The following RAPGEF4 variants were observed in gnomAD, a reference collection of about 807,000 sequenced individuals.
RAPGEF4 encodes the protein Rap guanine nucleotide exchange factor 4.
RAPGEF4 carries 66 observed loss-of-function variants against 147.9 expected under a neutral mutation model. The ratio of observed to expected loss-of-function variants is 0.45; its 90% confidence interval spans 0.37 to 0.55. The LOEUF is 0.55. Among genes scored for constraint, RAPGEF4 ranks in the 20% least tolerant of loss-of-function variants. RAPGEF4 has a pLI of 0.00. For synonymous variants in RAPGEF4, 419 were observed against 442.7 expected, an observed-to-expected ratio of 0.95 and a Z score of 0.67; for missense variants, 1,071 against 1,257.3, an observed-to-expected ratio of 0.85 and a Z score of 2.24.
chr2:172,748,268 A>C (rs1694952294), intron 1 of RAPGEF4, among the ~76,000 whole-genome samples: 1 of 152,308 alleles, frequency 6.6e-6, no homozygotes, highest in South Asian at 2.1e-4. Flanking sequence ...ATAACATACT[A>C]ATTTACATTC....
At chr2:173,045,166 GT>G (rs1229620975) in intron 29 of RAPGEF4, among the ~76,000 whole-genome samples, 1 of 152,208 alleles carries the variant, frequency 6.6e-6, no homozygotes, top group African/African-American at 2.4e-5. Flanking sequence ...TAACTAGATG[GT>G]TTTAGTTTTT....
intron 4 of RAPGEF4, among the ~76,000 whole-genome samples, chr2:172,880,243 C>G (rs183217802): frequency 3.8e-4 from 58 of 152,314 alleles, no homozygotes; most frequent in Middle Eastern, 3.4e-3. Flanking sequence ...CTCTGGGGAG[C>G]TCAGGAAGCC....
At chr2:172,831,983 T>C (rs1011692680) in intron 4 of RAPGEF4, among the ~76,000 whole-genome samples, 2 of 152,194 alleles carry the variant, frequency 1.3e-5, no homozygotes, top group East Asian at 3.9e-4. Context: ...GTTCGTAAAA[T>C]TGGGTTTGGG....
At chr2:172,829,621 A>C (rs1027800795) in intron 4 of RAPGEF4, among the ~76,000 whole-genome samples, 4 of 152,164 alleles carry the variant, frequency 2.6e-5, no homozygotes, top group Non-Finnish European at 5.9e-5. Flanking sequence ...TTGACTCTTT[A>C]GTGGTAAATT....
intron 4 of RAPGEF4, among the ~76,000 whole-genome samples, chr2:172,818,787 T>C (rs1478373950): frequency 3.3e-5 from 5 of 152,212 alleles, no homozygotes; most frequent in African/African-American, 1.2e-4. Context: ...ACTGTAATGG[T>C]AGCACAAAGC....
At chr2:173,019,398 G>C (rs1305888489) in intron 22 of RAPGEF4, among the ~76,000 whole-genome samples, 2 of 152,254 alleles carry the variant, frequency 1.3e-5, no homozygotes, top group African/African-American at 4.8e-5. Flanking sequence ...GAAAGAATGA[G>C]TTAGACACAG....
chr2:172,985,299 C>A (rs1575445408), intron 11 of RAPGEF4, 134 bp from the exon 12 acceptor site: 3 of 1,206,496 alleles, frequency 2.5e-6, no homozygotes, highest in East Asian at 4.8e-5. Flanking sequence ...ATGAGAGCAG[C>A]AGCAAGAGAG....
intron 3 of RAPGEF4, among the ~76,000 whole-genome samples, chr2:172,810,266 A>G (rs1687899354): frequency 6.6e-6 from 1 of 152,218 alleles, no homozygotes; most frequent in African/African-American, 2.4e-5. Context: ...TACTACTGAT[A>G]TTGCTGGATC....
chr2:172,740,042 A>G (rs1423938125), intron 1 of RAPGEF4, among the ~76,000 whole-genome samples: 1 of 152,234 alleles, frequency 6.6e-6, no homozygotes, highest in East Asian at 1.9e-4. Context: ...GAACATAGCC[A>G]TGCTCATTTG....
At chr2:172,798,005 C>T (rs1362676504) in intron 3 of RAPGEF4, among the ~76,000 whole-genome samples, 1 of 152,166 alleles carries the variant, frequency 6.6e-6, no homozygotes, top group Non-Finnish European at 1.5e-5. Context: ...CTTGAATTTT[C>T]TTTGTCCTAG....
intron 4 of RAPGEF4, among the ~76,000 whole-genome samples, chr2:172,910,685 G>A (rs56884890): frequency 0.015 from 2,214 of 152,312 alleles, 50 homozygotes; most frequent in East Asian, 0.11. Context: ...GGACTGTGGA[G>A]CAGAGCACTT....
intron 4 of RAPGEF4, among the ~76,000 whole-genome samples, chr2:172,838,886 G>T (rs1274932655): frequency 6.6e-6 from 1 of 152,072 alleles, no homozygotes; most frequent in East Asian, 1.9e-4. Flanking sequence ...ACCATATGTT[G>T]TTCTTTACTG....
chr2:172,922,035 A>G (rs768182264), intron 5 of RAPGEF4, among the ~76,000 whole-genome samples: 7 of 152,248 alleles, frequency 4.6e-5, no homozygotes, highest in East Asian at 3.8e-4. Flanking sequence ...AGTAAACCAT[A>G]TGGTAGACGC....
chr2:172,995,991 T>C (rs556940982), intron 15 of RAPGEF4, among the ~76,000 whole-genome samples: 1 of 152,246 alleles, frequency 6.6e-6, no homozygotes, highest in South Asian at 2.1e-4. Flanking sequence ...CAGTGTACAG[T>C]TGGGAAAGAC....
intron 4 of RAPGEF4, among the ~76,000 whole-genome samples, chr2:172,868,646 A>C (rs1254103874): frequency 1.3e-5 from 2 of 152,218 alleles, no homozygotes; most frequent in African/African-American, 4.8e-5. Context: ...AGTACTTATT[A>C]ATTCAGAGGA....
chr2:172,784,827 T>TG (rs1357138807), intron 1 of RAPGEF4, among the ~76,000 whole-genome samples: 12 of 149,122 alleles, frequency 8.0e-5, no homozygotes, highest in Non-Finnish European at 1.3e-4. Context: ...AATGAGATTC[T>TG]ATTTTTTTTT....
intron 18 of RAPGEF4, among the ~76,000 whole-genome samples, chr2:173,015,615 T>C (rs986384372): frequency 6.6e-6 from 1 of 152,180 alleles, no homozygotes; most frequent in African/African-American, 2.4e-5. Context: ...ACTCATGGCC[T>C]CTACCCGCTG....
chr2:172,744,324 T>G (rs552570288), intron 1 of RAPGEF4: 6 of 449,158 alleles, frequency 1.3e-5, no homozygotes, highest in African/African-American at 2.0e-5. Context: ...ACCTCTACCC[T>G]CTAGCTATGT....
intron 4 of RAPGEF4, among the ~76,000 whole-genome samples, chr2:172,916,014 A>G (rs1684035393): frequency 6.6e-6 from 1 of 152,182 alleles, no homozygotes. Flanking sequence ...GACACTGTAC[A>G]TAGTAGATGC....
Sources: gnomAD v4.1 joint callset for allele counts (sites outside exome capture counted in the v4.1 genomes callset) on GRCh38, gnomAD v4.1.1 for gene constraint, MANE v1.5 for transcripts, NCBI Gene and HGNC (gene_info 2026-07-23, HGNC 2026-07-21) for gene names.